PTCH1: variants seen among roughly 807,000 people sequenced by gnomAD.
PTCH1 encodes the protein patched 1, also known as protein patched homolog 1.
A neutral mutation model predicts 144.6 loss-of-function variants in PTCH1; 14 were observed. The ratio of observed to expected loss-of-function variants is 0.10; its 90% CI spans 0.06 to 0.15. The LOEUF (loss-of-function observed/expected upper bound fraction) is 0.15. PTCH1 is among the 10% of genes least tolerant of loss of function. PTCH1 has a pLI of 1.00. For missense variants in PTCH1, 1,623 were observed against 1,948.3 expected (o/e 0.83, Z 3.14); for synonymous variants, 833 against 793.6 (o/e 1.05, Z -0.83).
chr9:95,453,354 C>CAAGGA (rs1838636222), intron 20 of PTCH1, 124 bp downstream of exon 20: 1 of 1,439,206 alleles, frequency 6.9e-7, no homozygotes, highest in South Asian at 1.2e-5. Flanking sequence ...TGGTCTTGAA[C>CAAGGA]TCCTTGACCT....
intron 1 of PTCH1, chr9:95,506,806 G>T: frequency 9.0e-7 from 1 of 1,116,804 alleles, no homozygotes; most frequent in Non-Finnish European, 1.1e-6. Flanking sequence ...CAGCGTGGGA[G>T]CTGCACCTCG....
intron 2 of PTCH1, among the ~76,000 whole-genome samples, chr9:95,488,649 TGTG>T (rs908563704): frequency 2.0e-4 from 30 of 152,208 alleles, no homozygotes; most frequent in African/African-American, 7.0e-4. Context: ...GCAGTGGGGA[TGTG>T]GTGGACGAAA....
chr9:95,490,556 CAAAA>C (rs1842325145), intron 2 of PTCH1, among the ~76,000 whole-genome samples: 1 of 141,056 alleles, frequency 7.1e-6, no homozygotes, highest in Non-Finnish European at 1.6e-5. Flanking sequence ...CACACACACA[CAAAA>C]GAAAGATAGA....
rs1588507305 is a variant in PTCH1 at position 95,446,228 on chromosome 9, A to G, written c.*165T>C. 1 of 393,108 alleles carries G rather than the reference A, an allele frequency of 2.5e-6. No individual in the cohort carries two copies. Among genetic ancestry groups the G allele is most frequent in the Non-Finnish European group, 5.0e-6 (1 of 200,414 alleles). The allele number at this position is 393,108 out of a possible 1,614,324, so 24.4% of individuals were successfully genotyped here. ...GTACATCTCTTAAATATTTATAGAAATATTTAACAAAATAATACAATCGGT... is the reference window on the plus strand; with the variant it reads ...GTACATCTCTTAAATATTTATAGAAGTATTTAACAAAATAATACAATCGGT... On this transcript the variant is annotated 3_prime_UTR_variant, in exon 24 of 24. Coordinates refer to ENST00000331920, the MANE Select transcript of PTCH1 (RefSeq NM_000264.5).
chr9:95,488,707 G>T lies in PTCH1; in HGVS notation c.395-2833C>A, dbSNP rs564483339. ...TCCAAGAGGCATGCTGGTCAGTGAA[G>T]GGAACAGGCAACAGCCAAGCAAAAC... is the stretch of plus-strand genomic sequence containing the variant. On this transcript the variant is annotated intron_variant, in intron 2 of 23. Transcript: ENST00000331920. Among the ~76,000 whole-genome samples, 42 of 152,292 alleles carry T rather than the reference G, an allele frequency of 2.8e-4. No homozygotes were observed. The South Asian group carries it at 8.7e-3, about 32-fold the overall frequency.
chr9:95,511,337 G>A (rs1010571098), upstream of PTCH1, among the ~76,000 whole-genome samples: 1 of 151,652 alleles, frequency 6.6e-6, no homozygotes, highest in African/African-American at 2.4e-5. Context: ...TCCCCCACCA[G>A]CCTGGCCACC....
intron 9 of PTCH1, 96 bp from the exon 10 acceptor site, chr9:95,477,798 G>C: frequency 1.3e-6 from 2 of 1,535,330 alleles, no homozygotes; most frequent in Non-Finnish European, 1.8e-6. Context: ...CAAATCAAAA[G>C]GCAGAACTTA....
intron 2 of PTCH1, 75 bp downstream of exon 2, chr9:95,506,332 G>T: frequency 6.7e-7 from 1 of 1,503,074 alleles, no homozygotes; most frequent in Middle Eastern, 2.4e-4. Flanking sequence ...CTCTAGGTGT[G>T]CGCTGGCGAA....
rs2227971 is a variant in PTCH1 at position 95,468,779 on chromosome 9, G to A, written c.2222C>T (p.Ala741Val). Residue 741 changes from alanine to valine, a missense_variant, in exon 14 of 24, where the codon GCT becomes GTT. Physicochemically the swap from Ala to Val is moderately conservative, Grantham distance 64 (BLOSUM62 0). This residue lies in a region of PTCH1 where 179 missense variants were observed against 165.7 expected (regional missense o/e 1.08). Transcript: ENST00000331920. ...GGCTTTTGGTTTCAAGAGGAAAGGA[G>A]CATAGTGCTTCTCAGCAAAAGATGA... ...TLSSFAEKHY[A>V]PFLLKPKAKV... 2.1e-4 allele frequency: 346 copies of A among 1,614,234 alleles called. 1 individual carries two copies. The East Asian group carries it at 6.0e-3, about 28-fold the overall frequency.
At chr9:95,516,817 C>T (rs779966690) in exon 1 of PTCH1, 3 of 1,600,982 alleles carry the variant, frequency 1.9e-6, no homozygotes, top group South Asian at 2.3e-5. Context: ...TTAAGCAGTT[C>T]CATGGCCCTC....
At chr9:95,489,225 G>T (rs1401367242) in intron 2 of PTCH1, among the ~76,000 whole-genome samples, 1 of 152,192 alleles carries the variant, frequency 6.6e-6, no homozygotes, top group African/African-American at 2.4e-5. Context: ...GCTGAAAGCT[G>T]TTCATTATCT....
Position 95,458,114 on chromosome 9 carries a change from C to T in PTCH1, c.3067G>A (p.Gly1023Ser), listed in dbSNP as rs752317944. The change falls in exon 18 of 24, where the codon GGC (glycine) becomes AGC (serine). Residue 1023 changes from glycine to serine, a missense_variant. By Grantham distance (56) the Gly-to-Ser change is moderately conservative (BLOSUM62 0). This residue lies in a region of PTCH1 where 504 missense variants were observed against 679.3 expected (regional missense o/e 0.74). Coordinates refer to ENST00000331920, the MANE Select transcript of PTCH1 (RefSeq NM_000264.5). The surrounding 1 kb of genome is among the most constrained non-coding windows in gnomAD (Gnocchi z 4.7). ...AACAGCAGCAGCCAGTGGCGGAGGC[C>T]GATGTACTGCTCCCAGAAGAGGAAG... is the stretch of plus-strand genomic sequence containing the variant. ...YPFLFWEQYI[G>S]LRHWLLLFIS... is the part of the protein sequence containing the mutation. 3.2e-5 allele frequency: 51 copies of T among 1,614,032 alleles called. No homozygotes were observed. Among genetic ancestry groups the T allele is most frequent in the South Asian group, 1.3e-4 (12 of 91,086 alleles).
rs778810550 is a variant in PTCH1 at position 95,459,675 on chromosome 9, G to C, written c.2812C>G (p.Gln938Glu). The C allele has an allele frequency of 5.0e-6, 8 of 1,614,086 alleles. No homozygotes were observed. The highest frequency in any genetic ancestry group is 6.8e-6 in the Non-Finnish European group (8 of 1,180,046). ...GGTCGGTGTGGCCGGATGTTGGCCT[G>C]GGAGGCAGCATACGCGACGGGGTCG... The part of the protein sequence containing the change: ...SNDPVAYAAS[Q>E]ANIRPHRPEW... Residue 938 changes from glutamine (Q) to glutamate (E), a missense_variant, in exon 17 of 24, where the codon CAG (glutamine) becomes GAG (glutamate). Around this residue, in one of 7 missense-constraint regions of PTCH1, gnomAD observed 504 missense variants for 679.3 expected, o/e 0.74. Coordinates refer to ENST00000331920, the MANE Select transcript of PTCH1 (RefSeq NM_000264.5).
Position 95,458,181 on chromosome 9 carries a change from G to A in PTCH1, c.3000C>T (p.Asn1000=), listed in dbSNP as rs2136661651. Residue 1000 remains asparagine, a synonymous_variant, in exon 18 of 24, where the codon AAC becomes AAT. Coordinates refer to ENST00000331920, the MANE Select transcript of PTCH1 (RefSeq NM_000264.5). The surrounding 1 kb of genome is among the most constrained non-coding windows in gnomAD (Gnocchi z 4.7). Reference sequence around the variant, plus strand: ...AACTGGACAGCCCCAGGCTCGTATAGTTGCTGCAGATGGTCCTTACTTTTT... The same window carrying A: ...AACTGGACAGCCCCAGGCTCGTATAATTGCTGCAGATGGTCCTTACTTTTT... ...AIEKVRTICS[N]YTSLGLSSYP... 3 of 1,614,192 alleles carry A rather than the reference G, an allele frequency of 1.9e-6. No homozygotes were observed. Among genetic ancestry groups the A allele is most frequent in the Non-Finnish European group, 2.5e-6 (3 of 1,180,044 alleles).
In PTCH1 at chr9:95,458,726, T is replaced by G. The variant is rs1278998708; in HGVS notation, c.2888-433A>C. 6.6e-6 allele frequency among the ~76,000 whole-genome samples: 1 copy of G among 152,242 alleles called. No homozygotes were observed. The highest frequency in any genetic ancestry group is 1.5e-5 in the Non-Finnish European group (1 of 68,038). Reference sequence around the variant, plus strand: ...TGCCTGAACAAACTTCAACCTTGTATGCTTCTTTTCTAATGCAATGCTAAG... The same window carrying G: ...TGCCTGAACAAACTTCAACCTTGTAGGCTTCTTTTCTAATGCAATGCTAAG... On this transcript the variant is annotated intron_variant, in intron 17 of 23. Coordinates refer to ENST00000331920, the MANE Select transcript of PTCH1 (RefSeq NM_000264.5). The surrounding 1 kb of genome is among the most constrained non-coding windows in gnomAD (Gnocchi z 4.7).
At position 95,508,431 on chromosome 9, in the gene PTCH1, G is replaced by A; in HGVS notation, c.-70C>T. 9.6e-7 allele frequency: 1 copy of A among 1,042,600 alleles called. No homozygotes were observed. The highest frequency in any genetic ancestry group is 1.2e-6 in the Non-Finnish European group (1 of 868,702). The allele number at this position is 1,042,600 out of a possible 1,614,324, so 64.6% of individuals were successfully genotyped here. On this transcript the variant is annotated 5_prime_UTR_variant, in exon 1 of 24. An upstream open reading frame in the 5' UTR gains an earlier in-frame stop. Transcript: ENST00000331920. ...GGCGGCCCGGCGCGCTGCTGCCGCTGCTGCGGGCTCCTGGCGCGCCTGGGC... is the reference window on the plus strand; with the variant it reads ...GGCGGCCCGGCGCGCTGCTGCCGCTACTGCGGGCTCCTGGCGCGCCTGGGC...
rs1402931421 is a variant in PTCH1 at position 95,508,707 on chromosome 9, C to A, written c.-346G>T. 9.1e-6 allele frequency: 9 copies of A among 986,652 alleles called. No homozygotes were observed. The highest frequency in any genetic ancestry group is 1.7e-5 in the African/African-American group (1 of 57,212). The allele number at this position is 986,652 out of a possible 1,614,324, so 61.1% of individuals were successfully genotyped here. A position where few individuals can be genotyped will look rare whatever the true frequency, so the allele number is the denominator to read the frequency against. ...GCGCCGAGCGAGCCTGTCCTTCGGG[C>A]GCTTCCGCGGCACTCCTTGCGGTCC... On this transcript the variant is annotated 5_prime_UTR_variant, in exon 1 of 24. Coordinates refer to ENST00000331920, the MANE Select transcript of PTCH1 (RefSeq NM_000264.5).
chr9:95,479,814 GCTA>G, intron 7 of PTCH1, 152 bp downstream of exon 7: 1 of 1,231,916 alleles, frequency 8.1e-7, no homozygotes, highest in Non-Finnish European at 1.2e-6. Context: ...GTTGCAGTCT[GCTA>G]CTATTTCTTA....
rs538722868 is a variant in PTCH1, at chr9:95,505,265, C to T, written c.394+1142G>A. Among the ~76,000 whole-genome samples, 11 of 152,266 alleles carry T rather than the reference C, an allele frequency of 7.2e-5. No individual in the cohort carries two copies. In the South Asian group the frequency reaches 2.3e-3, roughly 32 times the overall value. Reference sequence around the variant, plus strand: ...GATTATGCGCATAACTCTTCAGCTTCCACATGCTGTCCGGAGGAATGCTCC... The same window carrying T: ...GATTATGCGCATAACTCTTCAGCTTTCACATGCTGTCCGGAGGAATGCTCC... On this transcript the variant is annotated intron_variant, in intron 2 of 23. Coordinates refer to ENST00000331920, the MANE Select transcript of PTCH1 (RefSeq NM_000264.5).
Sources: allele counts gnomAD v4.1 joint callset (sites outside exome capture counted in the v4.1 genomes callset), GRCh38; gene constraint gnomAD v4.1.1; regional missense constraint gnomAD v4.1.1; non-coding constraint Gnocchi (gnomAD v3.1); transcripts MANE v1.5; gene names NCBI Gene and HGNC (gene_info 2026-07-23, HGNC 2026-07-21).